Variants in TTC29 observed in about 807,000 individuals in gnomAD.
TTC29 encodes the protein tetratricopeptide repeat protein 29.
In TTC29, 49 loss-of-function variants were observed where a neutral mutation model predicts 58.1. The ratio of observed to expected loss-of-function variants is 0.84; its 90% CI spans 0.67 to 1.07. The LOEUF is 1.07. Among genes scored for constraint, TTC29 ranks in the 50% least tolerant of loss-of-function variants. The probability of loss-of-function intolerance (pLI) is 0.00; values close to 1 mark genes in which losing one functional copy is unlikely to be tolerated. For missense variants in TTC29, 582 were observed against 555.6 expected, an observed-to-expected ratio of 1.05 and a Z score of -0.48; for synonymous variants, 209 against 196.8, an observed-to-expected ratio of 1.06 and a Z score of -0.52.
intron 8 of TTC29, 44 bp from the exon 9 acceptor site, chr4:146,833,941 A>G (rs1322052458): frequency 7.7e-7 from 1 of 1,296,256 alleles, no homozygotes; most frequent in Admixed American, 2.0e-5. Flanking sequence ...GCACAGCCAG[A>G]TACGCTGATG....
chr4:146,891,946 CT>C (rs1732394627), intron 6 of TTC29, among the ~76,000 whole-genome samples: 1 of 152,120 alleles, frequency 6.6e-6, no homozygotes, highest in Admixed American at 6.6e-5. Context: ...TCAGGCACCC[CT>C]GATGTCTAAG....
At chr4:146,922,586 A>C (rs981769951) in intron 4 of TTC29, among the ~76,000 whole-genome samples, 1 of 151,788 alleles carries the variant, frequency 6.6e-6, no homozygotes, top group African/African-American at 2.4e-5. Flanking sequence ...AAACCTGACA[A>C]CATTTTTAAT....
At chr4:146,790,501 C>T (rs1749364506) in intron 11 of TTC29, among the ~76,000 whole-genome samples, 1 of 152,010 alleles carries the variant, frequency 6.6e-6, no homozygotes, top group East Asian at 1.9e-4. Flanking sequence ...AACCCAATCA[C>T]TTTCTATTTT....
intron 10 of TTC29, among the ~76,000 whole-genome samples, chr4:146,809,514 C>T (rs1463603731): frequency 6.8e-6 from 1 of 147,688 alleles, no homozygotes; most frequent in Admixed American, 7.0e-5. Flanking sequence ...AATCCAGAAT[C>T]GACAAAGGGC....
In TTC29 at chr4:146,843,049, C is replaced by T. The variant is rs190247799; in HGVS notation, c.886-9152G>A. ...CAACATTAGTCAAAGGAATCAGTGG[C>T]TAATGATTTCTGACAAGCACTGCAG... On this transcript the variant is annotated intron_variant, in intron 8 of 12. Transcript: ENST00000325106. 3.9e-5 allele frequency among the ~76,000 whole-genome samples: 6 copies of T among 152,214 alleles called. 1 individual carries two copies. Among genetic ancestry groups the T allele is most frequent in the Admixed American group, 1.3e-4 (2 of 15,278 alleles).
At chr4:146,892,099 T>C (rs1284352788) in intron 6 of TTC29, among the ~76,000 whole-genome samples, 1 of 152,008 alleles carries the variant, frequency 6.6e-6, no homozygotes, top group Non-Finnish European at 1.5e-5. Context: ...TGGTGGGAGG[T>C]GATTGGATCA....
At chr4:146,914,563 CA>C (rs1734095951) in intron 4 of TTC29, among the ~76,000 whole-genome samples, 1 of 151,994 alleles carries the variant, frequency 6.6e-6, no homozygotes. Context: ...GTTCATCTGA[CA>C]GGAAAAAAAC....
At chr4:146,858,391 T>C (rs1730008230) in intron 8 of TTC29, among the ~76,000 whole-genome samples, 1 of 152,226 alleles carries the variant, frequency 6.6e-6, no homozygotes, top group Non-Finnish European at 1.5e-5. Context: ...TGGCCACTTA[T>C]AATTAGAATG....
intron 4 of TTC29, among the ~76,000 whole-genome samples, chr4:146,922,012 C>CAAAAAAA (rs34167190): frequency 1.3e-3 from 142 of 107,260 alleles, no homozygotes; most frequent in Admixed American, 1.9e-3. Context: ...GGATCCCCTA[C>CAAAAAAA]AAAAAAAAAA....
At chr4:146,742,229 T>A (rs1745204864) in intron 11 of TTC29, among the ~76,000 whole-genome samples, 1 of 152,114 alleles carries the variant, frequency 6.6e-6, no homozygotes, top group Non-Finnish European at 1.5e-5. Context: ...GACATGAGGC[T>A]CTTGGATGGT....
At position 146,707,075 on chromosome 4, in the gene TTC29, G is replaced by C. The variant is rs182696150; in HGVS notation, c.*83C>G. The C allele has an allele frequency of 3.8e-5, 40 of 1,048,190 alleles. No homozygotes were observed. The highest frequency in any genetic ancestry group is 1.5e-4 in the Admixed American group (5 of 33,100). The allele number at this position is 1,048,190 out of a possible 1,614,324, so 64.9% of individuals were successfully genotyped here. A position where few individuals can be genotyped will look rare whatever the true frequency, so the allele number is the denominator to read the frequency against. ...GTTTTATTATAACTCTATATTATCT[G>C]TAACATGCTCCTATTACAAGTATTG... On this transcript the variant is annotated 3_prime_UTR_variant, in exon 13 of 13. Transcript: ENST00000325106.
At chr4:146,780,589 A>G (rs924693882) in intron 11 of TTC29, among the ~76,000 whole-genome samples, 1 of 151,934 alleles carries the variant, frequency 6.6e-6, no homozygotes, top group African/African-American at 2.4e-5. Context: ...TCTATGATTA[A>G]GTGTTCTTCC....
chr4:146,820,280 T>G (rs944710648), intron 9 of TTC29, 32 bp from the exon 10 acceptor site: 21 of 1,600,594 alleles, frequency 1.3e-5, no homozygotes, highest in Non-Finnish European at 1.4e-5. Flanking sequence ...GTCAATGGAG[T>G]ATCATCTCAC....
chr4:146,878,824 A>G (rs1561213969), intron 6 of TTC29, among the ~76,000 whole-genome samples: 1 of 152,156 alleles, frequency 6.6e-6, no homozygotes, highest in Non-Finnish European at 1.5e-5. Context: ...TTTCTGAAGA[A>G]ACTGTTATAT....
At chr4:146,816,032 T>G (rs565955808) in intron 10 of TTC29, among the ~76,000 whole-genome samples, 4 of 152,196 alleles carry the variant, frequency 2.6e-5, no homozygotes, top group Admixed American at 2.0e-4. Flanking sequence ...GCAATGTGTA[T>G]TTAATTCTCC....
chr4:146,766,454 G>A (rs1420429490), intron 11 of TTC29, among the ~76,000 whole-genome samples: 1 of 151,994 alleles, frequency 6.6e-6, no homozygotes, highest in East Asian at 1.9e-4. Flanking sequence ...AAGCATTGAT[G>A]GGTGAAAGCA....
intron 2 of TTC29, chr4:146,942,686 T>C: frequency 6.9e-7 from 1 of 1,443,832 alleles, no homozygotes; most frequent in South Asian, 1.4e-5. Flanking sequence ...AGTGTAGCCC[T>C]AGTAAATTTA....
rs201075845 is a variant in TTC29, at chr4:146,766,708, C to T, written c.1330+36749G>A. ...ACTTTAGTGTTAGGTTTTATAAGAT[C>T]TTTGGCAAAGTATGAAGCTACAAGA... On this transcript the variant is annotated intron_variant, in intron 11 of 12. Transcript: ENST00000325106. Among the ~76,000 whole-genome samples the T allele has an allele frequency of 6.6e-5, 10 of 152,050 alleles. No homozygotes were observed. The East Asian group carries it at 1.5e-3, about 24-fold the overall frequency.
intron 11 of TTC29, among the ~76,000 whole-genome samples, chr4:146,787,101 A>ATAT (rs1359061419): frequency 1.3e-5 from 2 of 152,214 alleles, no homozygotes; most frequent in African/African-American, 4.8e-5. Flanking sequence ...TTTTAGATAT[A>ATAT]TATTATTTTC....
Sources: gnomAD v4.1 joint callset for allele counts (sites outside exome capture counted in the v4.1 genomes callset) on GRCh38, gnomAD v4.1.1 for gene constraint, MANE v1.5 for transcripts, NCBI Gene and HGNC (gene_info 2026-07-23, HGNC 2026-07-21) for gene names.